TNRC6C: variants seen among roughly 807,000 people sequenced by gnomAD.
TNRC6C encodes trinucleotide repeat-containing gene 6C protein.
In TNRC6C, 20 loss-of-function variants were observed where a neutral mutation model predicts 153.7. The ratio of observed to expected loss-of-function variants is 0.13; its 90% confidence interval spans 0.09 to 0.19. TNRC6C has a LOEUF of 0.19. Ranked by LOEUF, TNRC6C falls within the 10% of genes least tolerant of loss-of-function variation. The probability of loss-of-function intolerance (pLI) is 1.00; values close to 1 mark genes in which losing one functional copy is unlikely to be tolerated. For missense variants in TNRC6C, 1,987 were observed against 2,172.0 expected (o/e 0.91, Z 1.69); for synonymous variants, 811 against 841.4 (o/e 0.96, Z 0.63).
exon 3 of TNRC6C, chr17:78,050,029 A>G: frequency 6.2e-7 from 1 of 1,612,698 alleles, no homozygotes; most frequent in South Asian, 1.1e-5. Flanking sequence ...CGTTGGTAAT[A>G]TCCATTCAGG....
chr17:78,005,034 T>C (rs907381903), upstream of TNRC6C: 5 of 1,213,686 alleles, frequency 4.1e-6, no homozygotes, highest in African/African-American at 6.2e-5. Flanking sequence ...CTTTCTTTCT[T>C]TCTCTCTCTT....
intron 2 of TNRC6C, among the ~76,000 whole-genome samples, chr17:78,034,176 G>A (rs1031003292): frequency 1.2e-4 from 18 of 152,094 alleles, no homozygotes; most frequent in Admixed American, 7.2e-4. Flanking sequence ...GCCTGCCTCA[G>A]CCTCCTGAGT....
chr17:78,000,630 C>CCCCCCCCCCCCCACA (rs1555628277), upstream of TNRC6C, among the ~76,000 whole-genome samples: 1 of 62,290 alleles, frequency 1.6e-5, no homozygotes. Flanking sequence ...CCCCCCCCCC[C>CCCCCCCCCCCCCACA]CACACACACA....
intron 5 of TNRC6C, among the ~76,000 whole-genome samples, chr17:78,069,868 G>A (rs1452225729): frequency 2.0e-5 from 3 of 152,166 alleles, no homozygotes; most frequent in Non-Finnish European, 4.4e-5. Context: ...ATGCATGCAT[G>A]CACACGTAGT....
chr17:78,093,496 T>C, intron 15 of TNRC6C, 124 bp from the exon 18 acceptor site: 3 of 1,184,888 alleles, frequency 2.5e-6, no homozygotes, highest in Non-Finnish European at 3.5e-6. Flanking sequence ...GTATAAGGTG[T>C]ACCTCTAATT....
chr17:77,995,855 T>C (rs1282221241), intron 1 of TNRC6C, among the ~76,000 whole-genome samples: 1 of 152,200 alleles, frequency 6.6e-6, no homozygotes, highest in Non-Finnish European at 1.5e-5. Flanking sequence ...CACAACGTGG[T>C]ACTTAAAACT....
chr17:77,973,295 A>C (rs548562354), intron 1 of TNRC6C, among the ~76,000 whole-genome samples: 2 of 152,306 alleles, frequency 1.3e-5, no homozygotes, highest in East Asian at 3.9e-4. Flanking sequence ...ACATTCTTTC[A>C]TGAGAAAAAC....
chr17:78,054,543 T>C (rs868661801), intron 3 of TNRC6C, among the ~76,000 whole-genome samples: 2 of 151,898 alleles, frequency 1.3e-5, no homozygotes, highest in South Asian at 2.1e-4. Flanking sequence ...TGCAGAGCAC[T>C]GTACATCACT....
Position 78,083,039 on chromosome 17 carries a change from T to C in TNRC6C, c.3358-8T>C. ...ACAACGGCTAATAGTATATTTTATG[T>C]TAAACAGGTTCAAGCACAGCTTTTG... On this transcript the variant is annotated splice_polypyrimidine_tract_variant and splice_region_variant and intron_variant, in intron 10 of 19. Transcript: ENST00000301624. 2 of 1,613,694 alleles carry C rather than the reference T, an allele frequency of 1.2e-6. No homozygotes were observed. The highest frequency in any genetic ancestry group is 1.7e-6 in the Non-Finnish European group (2 of 1,179,880).
intron 1 of TNRC6C, among the ~76,000 whole-genome samples, chr17:78,009,963 A>G (rs2071595698): frequency 6.6e-6 from 1 of 152,092 alleles, no homozygotes; most frequent in African/African-American, 2.4e-5. Context: ...AGCTCACTGC[A>G]GCCACCACCT....
At position 78,025,689 on chromosome 17, in the gene TNRC6C, T is replaced by A. The variant is rs192288352; in HGVS notation, c.-545-5827T>A. 2.0e-5 allele frequency among the ~76,000 whole-genome samples: 3 copies of A among 152,226 alleles called. No individual in the cohort carries two copies. In the East Asian group the frequency reaches 5.8e-4, roughly 29 times the overall value. ...TTATATTTAAGAATCAACTTCAACT[T>A]GTAACAAATAGGTTCTGCACCTTTC... On this transcript the variant is annotated intron_variant, in intron 1 of 19. Coordinates refer to ENST00000301624, the Ensembl canonical transcript of TNRC6C.
intron 1 of TNRC6C, among the ~76,000 whole-genome samples, chr17:78,029,638 T>C (rs2072020011): frequency 6.6e-6 from 1 of 152,182 alleles, no homozygotes; most frequent in South Asian, 2.1e-4. Flanking sequence ...TTTTCAGTAA[T>C]AAAGCTTTTT....
chr17:78,051,363 C>G, exon 3 of TNRC6C: 1 of 1,551,448 alleles, frequency 6.4e-7, no homozygotes, highest in Middle Eastern at 1.7e-4. Flanking sequence ...CCACCACTAC[C>G]ACGAGCAACA....
intron 9 of TNRC6C, among the ~76,000 whole-genome samples, chr17:78,078,171 G>GC (rs2073117444): frequency 6.6e-6 from 1 of 152,196 alleles, no homozygotes; most frequent in Non-Finnish European, 1.5e-5. Flanking sequence ...ATCTGACATT[G>GC]CCCCCTTGGT....
intron 16 of TNRC6C, among the ~76,000 whole-genome samples, chr17:78,094,521 C>T (rs552941251): frequency 6.6e-6 from 1 of 152,070 alleles, no homozygotes; most frequent in Admixed American, 6.5e-5. Flanking sequence ...TCACTGCAAC[C>T]TCCGCCTCGC....
At chr17:78,083,976 C>T (rs2073228177) in intron 11 of TNRC6C, among the ~76,000 whole-genome samples, 1 of 152,144 alleles carries the variant, frequency 6.6e-6, no homozygotes, top group African/African-American at 2.4e-5. Flanking sequence ...CCAGCAACTT[C>T]ATCACCTAGA....
chr17:78,088,451 C>T (rs982597181), intron 13 of TNRC6C, among the ~76,000 whole-genome samples: 1 of 151,612 alleles, frequency 6.6e-6, no homozygotes, highest in African/African-American at 2.4e-5. Flanking sequence ...CCAGGCAAGT[C>T]TCAAAACTCC....
At chr17:78,092,789 G>A (rs764111692) in intron 14 of TNRC6C, 144 bp from the exon 17 acceptor site, 2 of 621,330 alleles carry the variant, frequency 3.2e-6, no homozygotes, top group Non-Finnish European at 5.6e-6. Flanking sequence ...ATCCTAGACA[G>A]ACCAAGTCTT....
At chr17:77,968,632 C>T (rs1019165649) in intron 1 of TNRC6C, among the ~76,000 whole-genome samples, 5 of 152,174 alleles carry the variant, frequency 3.3e-5, no homozygotes, top group Admixed American at 6.5e-5. Context: ...CGTGAGCCAC[C>T]GTGCCCGGCC....
Sources: allele counts gnomAD v4.1 joint callset (sites outside exome capture counted in the v4.1 genomes callset), GRCh38; gene constraint gnomAD v4.1.1; transcripts MANE v1.5; gene names NCBI Gene and HGNC (gene_info 2026-07-23, HGNC 2026-07-21).